Variants in JAG2 observed in about 807,000 individuals in gnomAD.
The protein encoded by JAG2 is jagged canonical Notch ligand 2, also known as protein jagged-2.
JAG2 carries 46 observed loss-of-function variants against 141.7 expected under a neutral mutation model. The observed-to-expected ratio is 0.32, with a 90% CI of 0.26 to 0.42. The LOEUF is 0.42. JAG2 is among the 10% of genes least tolerant of loss of function. JAG2 has a pLI of 1.00. For synonymous variants in JAG2, 862 were observed against 763.5 expected (o/e 1.13, Z -2.13); for missense variants, 1,500 against 1,817.5 (o/e 0.83, Z 3.18).
At chr14:105,144,401 T>A (rs1302071960) in intron 24 of JAG2, among the ~76,000 whole-genome samples, 1 of 151,994 alleles carries the variant, frequency 6.6e-6, no homozygotes, top group Non-Finnish European at 1.5e-5. Context: ...TGCACGTCCT[T>A]CCTGTGCCTG....
rs1041463665 is a variant in JAG2 at position 105,167,419 on chromosome 14, G to A, written c.417+338C>T. ...GCACGCGCTGCGCACATGCCACCGCGGCCTGCCCGGGACCGGGGCGCCTCG... is the reference window on the plus strand; with the variant it reads ...GCACGCGCTGCGCACATGCCACCGCAGCCTGCCCGGGACCGGGGCGCCTCG... On this transcript the variant is annotated intron_variant, in intron 2 of 25. Coordinates refer to ENST00000331782, the MANE Select transcript of JAG2 (RefSeq NM_002226.5). This position sits in a 1 kb window ranked among gnomAD's most constrained non-coding sequence, Gnocchi z 4.8. 2.0e-5 allele frequency among the ~76,000 whole-genome samples: 3 copies of A among 151,976 alleles called. No individual in the cohort carries two copies. The highest frequency in any genetic ancestry group is 4.4e-5 in the Non-Finnish European group (3 of 67,966).
intron 2 of JAG2, 118 bp from the exon 3 acceptor site, chr14:105,157,881 C>T (rs1888626576): frequency 2.1e-6 from 2 of 947,184 alleles, no homozygotes. Flanking sequence ...CTGGCCCTTC[C>T]TCCCCAGCCA....
rs374713574 is a variant in JAG2, at chr14:105,152,146, G to A, written c.919+15C>T. The A allele has an allele frequency of 3.0e-5, 49 of 1,613,416 alleles. No homozygotes were observed. The highest frequency in any genetic ancestry group is 2.8e-4 in the African/African-American group (21 of 74,906). On this transcript the variant is annotated intron_variant, in intron 6 of 25. Coordinates refer to ENST00000331782, the MANE Select transcript of JAG2 (RefSeq NM_002226.5). ...TCGATGGCAGAGCATTAGGCCTGCCGCCCCCTACCACTACCTTTGTCACAG... is the reference window on the plus strand; with the variant it reads ...TCGATGGCAGAGCATTAGGCCTGCCACCCCCTACCACTACCTTTGTCACAG...
chr14:105,148,617 C>T, intron 15 of JAG2, 128 bp downstream of exon 15: 1 of 960,540 alleles, frequency 1.0e-6, no homozygotes, highest in East Asian at 2.6e-5. Context: ...CCCATGGTGG[C>T]AGCACCCCCT....
At chr14:105,166,062 C>A (rs1455425073) in intron 2 of JAG2, among the ~76,000 whole-genome samples, 3 of 152,216 alleles carry the variant, frequency 2.0e-5, no homozygotes, top group Admixed American at 1.3e-4. Flanking sequence ...TCTGCCCTGG[C>A]CCCCAACCCA....
In JAG2 at chr14:105,168,122, G is replaced by C; in HGVS notation, c.67-15C>G. 5 of 1,517,096 alleles carry C rather than the reference G, an allele frequency of 3.3e-6. No individual in the cohort carries two copies. The South Asian group carries it at 6.0e-5, about 18-fold the overall frequency. 94.0% of individuals were successfully genotyped at this position (1,517,096 alleles called of 1,614,324 possible). A position where few individuals can be genotyped will look rare whatever the true frequency, so the allele number is the denominator to read the frequency against. On this transcript the variant is annotated splice_polypyrimidine_tract_variant and intron_variant, in intron 1 of 25. Transcript: ENST00000331782. ...GGCCGCGCCGCCTAAAAATAAGGCA[G>C]CGGGAGAGCGGAGGGAGGCGCGGGC...
intron 23 of JAG2, among the ~76,000 whole-genome samples, chr14:105,145,389 C>T (rs1888193146): frequency 6.6e-6 from 1 of 152,218 alleles, no homozygotes; most frequent in African/African-American, 2.4e-5. Flanking sequence ...TCCAAGCACA[C>T]AGCAGGCAAA....
intron 2 of JAG2, among the ~76,000 whole-genome samples, chr14:105,158,740 C>T (rs1319415368): frequency 6.6e-6 from 1 of 152,108 alleles, no homozygotes; most frequent in Non-Finnish European, 1.5e-5. Context: ...CCAGCCCTGG[C>T]TCCTTCCAGG....
intron 2 of JAG2, among the ~76,000 whole-genome samples, chr14:105,165,040 C>A (rs1595191221): frequency 6.6e-6 from 1 of 152,172 alleles, no homozygotes; most frequent in South Asian, 2.1e-4. Context: ...TGCCCTGGAG[C>A]CCAGCACACA....
In JAG2 at chr14:105,154,859, G is replaced by A. The variant is rs1249224746; in HGVS notation, c.788+703C>T. ...GCCACCATGGCTCTGCTACTCAGCA[G>A]CTTGGGGTTCTCCCTGACTCCACAC... On this transcript the variant is annotated intron_variant, in intron 5 of 25. Coordinates refer to ENST00000331782, the MANE Select transcript of JAG2 (RefSeq NM_002226.5). The surrounding 1 kb of genome is among the most constrained non-coding windows in gnomAD (Gnocchi z 4.4). Among the ~76,000 whole-genome samples the A allele has an allele frequency of 6.6e-6, 1 of 151,980 alleles. No homozygotes were observed. Among genetic ancestry groups the A allele is most frequent in the African/African-American group, 2.4e-5 (1 of 41,372 alleles).
rs1478178769 is a variant in JAG2, at chr14:105,167,704, G to A, written c.417+53C>T. ...TGGGGGTCGCGAAGCGCGCGGGGCC[G>A]GGGCGCGGAGAGAGAGGGAAGGGCT... On this transcript the variant is annotated intron_variant, in intron 2 of 25. Transcript: ENST00000331782. The surrounding 1 kb of genome is among the most constrained non-coding windows in gnomAD (Gnocchi z 4.8). The A allele has an allele frequency of 1.5e-6, 2 of 1,374,594 alleles. No individual in the cohort carries two copies. The highest frequency in any genetic ancestry group is 1.9e-6 in the Non-Finnish European group (2 of 1,063,444). The allele number at this position is 1,374,594 out of a possible 1,614,324, so 85.1% of individuals were successfully genotyped here.
chr14:105,155,494 CTGTG>C, intron 5 of JAG2, 64 bp downstream of exon 5: 1 of 1,561,578 alleles, frequency 6.4e-7, no homozygotes, highest in Non-Finnish European at 8.8e-7. Context: ...GACAGCAAGG[CTGTG>C]TGTGCCAGTG....
At chr14:105,156,246 T>C (rs2735799) in intron 3 of JAG2, among the ~76,000 whole-genome samples, 2,303 of 152,072 alleles carry the variant, frequency 0.015, 38 homozygotes, top group Non-Finnish European at 0.026. Context: ...GGCTAGGGGC[T>C]AGGGGCCCTG....
At chr14:105,163,766 G>A (rs1480916538) in intron 2 of JAG2, among the ~76,000 whole-genome samples, 2 of 149,224 alleles carry the variant, frequency 1.3e-5, no homozygotes, top group Non-Finnish European at 3.0e-5. Context: ...TGGGGACAGG[G>A]ACCCAGCTCA....
chr14:105,147,167 C>T, intron 20 of JAG2, 159 bp downstream of exon 20: 3 of 686,646 alleles, frequency 4.4e-6, no homozygotes, highest in South Asian at 3.3e-5. Flanking sequence ...AGGAACCCCA[C>T]AGGGCACAGA....
At chr14:105,157,406 A>C (rs1191542217) in intron 3 of JAG2, among the ~76,000 whole-genome samples, 1 of 152,094 alleles carries the variant, frequency 6.6e-6, no homozygotes, top group Admixed American at 6.5e-5. Flanking sequence ...AGAGGGGGCC[A>C]CAAAGCCAGA....
intron 2 of JAG2, among the ~76,000 whole-genome samples, chr14:105,160,835 C>T (rs192807518): frequency 6.6e-6 from 1 of 151,192 alleles, no homozygotes; most frequent in Non-Finnish European, 1.5e-5. Context: ...TGCACTCCAG[C>T]CTGGGCAACG....
rs148868454 is a variant in JAG2, at chr14:105,165,943, C to T, written c.417+1814G>A. On this transcript the variant is annotated intron_variant, in intron 2 of 25. Coordinates refer to ENST00000331782, the MANE Select transcript of JAG2 (RefSeq NM_002226.5). ...CCAGGGCAGCATGGCCAGGGACTGCCGCCGCCCGAGTGCAAATACCAGGGT... is the reference window on the plus strand; with the variant it reads ...CCAGGGCAGCATGGCCAGGGACTGCTGCCGCCCGAGTGCAAATACCAGGGT... 9.9e-3 allele frequency among the ~76,000 whole-genome samples: 1,509 copies of T among 152,304 alleles called. 53 individuals are homozygous for T. Among genetic ancestry groups the T allele is most frequent in the Admixed American group, 0.076 (1,169 of 15,304 alleles).
chr14:105,154,540 C>G lies in JAG2; in HGVS notation c.788+1022G>C, dbSNP rs760268. The stretch of plus-strand genomic sequence containing the variant: ...CCACACTCTGGTCTGGGTCCAGAGG[C>G]CTCCACCATCTGGACTTGGCTGTAA... On this transcript the variant is annotated intron_variant, in intron 5 of 25. Coordinates refer to ENST00000331782, the MANE Select transcript of JAG2 (RefSeq NM_002226.5). The surrounding 1 kb of genome is among the most constrained non-coding windows in gnomAD (Gnocchi z 4.4). Among the ~76,000 whole-genome samples, 1,536 of 152,302 alleles carry G rather than the reference C, an allele frequency of 0.01. 28 individuals carry two copies. The highest frequency in any genetic ancestry group is 0.034 in the African/African-American group (1,427 of 41,562).
Sources: allele counts gnomAD v4.1 joint callset (sites outside exome capture counted in the v4.1 genomes callset), GRCh38; gene constraint gnomAD v4.1.1; non-coding constraint Gnocchi (gnomAD v3.1); transcripts MANE v1.5; gene names NCBI Gene and HGNC (gene_info 2026-07-23, HGNC 2026-07-21).